Variants in NTN1 observed in about 807,000 individuals in gnomAD.
The protein encoded by NTN1 is netrin-1.
A neutral mutation model predicts 54.2 loss-of-function variants in NTN1; 11 were observed. That is an observed-to-expected ratio of 0.20 (90% CI 0.13 to 0.34). NTN1 has a LOEUF of 0.34. NTN1 is among the 10% of genes least tolerant of loss of function. The pLI, the probability that NTN1 is intolerant of heterozygous loss-of-function variation, is 1.00. For missense variants in NTN1, 740 were observed against 893.1 expected, an observed-to-expected ratio of 0.83 and a Z score of 2.18; for synonymous variants, 371 against 382.0, an observed-to-expected ratio of 0.97 and a Z score of 0.33.
chr17:9,228,516 C>T (rs568652129), intron 6 of NTN1, among the ~76,000 whole-genome samples: 7 of 152,282 alleles, frequency 4.6e-5, no homozygotes, highest in Admixed American at 2.6e-4. Context: ...CTGGGTGCTG[C>T]CGCTGGCTTC....
chr17:9,115,769 C>A (rs1029080326), intron 2 of NTN1, among the ~76,000 whole-genome samples: 1 of 152,210 alleles, frequency 6.6e-6, no homozygotes, highest in Admixed American at 6.5e-5. Flanking sequence ...TCTCTGGAGG[C>A]GCCGGGGCAG....
intron 2 of NTN1, among the ~76,000 whole-genome samples, chr17:9,129,866 G>A (rs1419348279): frequency 2.6e-5 from 4 of 152,150 alleles, no homozygotes; most frequent in African/African-American, 4.8e-5. Context: ...TGTGCAACTC[G>A]GGATTGATGA....
At chr17:9,026,301 G>A (rs575378971) in intron 2 of NTN1, among the ~76,000 whole-genome samples, 4 of 151,464 alleles carry the variant, frequency 2.6e-5, no homozygotes, top group East Asian at 3.9e-4. Context: ...TTTTCTTTTC[G>A]GTGTTGTTTC....
intron 2 of NTN1, among the ~76,000 whole-genome samples, chr17:9,076,369 T>G (rs1471105672): frequency 6.6e-6 from 1 of 152,138 alleles, no homozygotes; most frequent in Non-Finnish European, 1.5e-5. Context: ...TTTATTTTAT[T>G]TCTATTTTTA....
Position 9,022,648 on chromosome 17 carries a change from A to T in NTN1, c.275A>T (p.His92Leu). The change falls in exon 2 of 7, where the codon CAC becomes CTC. Residue 92 changes from histidine to leucine, a missense_variant. By Grantham distance (99) the His-to-Leu change is moderately conservative (BLOSUM62 -3). Coordinates refer to ENST00000173229, the MANE Select transcript of NTN1 (RefSeq NM_004822.3). The stretch of plus-strand genomic sequence containing the variant: ...GGCGAGGAGCGGCTGCGCTCGTGCC[A>T]CCTCTGCAACGCGTCCGACCCCAAG... ...ERGEERLRSC[H>L]LCNASDPKKA... 6.4e-7 allele frequency: 1 copy of T among 1,563,062 alleles called. No homozygotes were observed. Among genetic ancestry groups the T allele is most frequent in the Non-Finnish European group, 8.7e-7 (1 of 1,155,398 alleles).
At chr17:9,205,394 A>G (rs1904939779) in intron 5 of NTN1, among the ~76,000 whole-genome samples, 1 of 152,260 alleles carries the variant, frequency 6.6e-6, no homozygotes, top group East Asian at 1.9e-4. Context: ...TTGGGAGGCC[A>G]GAGCAGGAGG....
intron 2 of NTN1, among the ~76,000 whole-genome samples, chr17:9,100,709 C>G (rs938672328): frequency 5.3e-5 from 8 of 152,180 alleles, no homozygotes; most frequent in African/African-American, 1.2e-4. Context: ...TCTCCTTTGT[C>G]TACCTTTTAA....
intron 2 of NTN1, among the ~76,000 whole-genome samples, chr17:9,102,729 C>A (rs1429908567): frequency 2.6e-5 from 4 of 152,144 alleles, no homozygotes; most frequent in Admixed American, 6.5e-5. Flanking sequence ...CCATGAATGC[C>A]CATCAACAAT....
intron 2 of NTN1, among the ~76,000 whole-genome samples, chr17:9,055,807 A>G (rs1481990649): frequency 6.6e-6 from 1 of 152,152 alleles, no homozygotes; most frequent in East Asian, 1.9e-4. Context: ...CTGCAGCCTC[A>G]ACCTCCCAGG....
chr17:9,223,882 G>A (rs936985970), intron 6 of NTN1, among the ~76,000 whole-genome samples: 1 of 152,160 alleles, frequency 6.6e-6, no homozygotes, highest in Non-Finnish European at 1.5e-5. Flanking sequence ...GGGTAACCTC[G>A]GCAAGGAGGT....
At chr17:9,121,449 G>A (rs918342010) in intron 2 of NTN1, among the ~76,000 whole-genome samples, 10 of 151,974 alleles carry the variant, frequency 6.6e-5, no homozygotes, top group East Asian at 1.9e-4. Context: ...GTGCTTCCCC[G>A]GTGATTTTTC....
chr17:9,147,468 C>T (rs1348816525), intron 2 of NTN1, among the ~76,000 whole-genome samples: 3 of 152,230 alleles, frequency 2.0e-5, no homozygotes, highest in South Asian at 2.1e-4. Flanking sequence ...GAGCTGAGAT[C>T]GAGCCACTGC....
In NTN1 at chr17:9,229,780, G is replaced by A. The variant is rs1335998401; in HGVS notation, c.1486+8538G>A. Among the ~76,000 whole-genome samples the A allele has an allele frequency of 4.6e-5, 7 of 152,300 alleles. No homozygotes were observed. In the East Asian group the frequency reaches 5.8e-4, roughly 13 times the overall value. On this transcript the variant is annotated intron_variant, in intron 6 of 6. Transcript: ENST00000173229. ...TGGTGATGGGCATGGCTGTGTGTTC[G>A]AGGAAGCTTCCAGGAAGACCCCTGA...
At chr17:9,019,610 C>T (rs1037940491), upstream of NTN1, among the ~76,000 whole-genome samples, 5 of 152,238 alleles carry the variant, frequency 3.3e-5, no homozygotes, top group African/African-American at 1.2e-4. Context: ...ACGTGATGCT[C>T]ACAACCCAGT....
In NTN1 at chr17:9,024,268, C is replaced by T. The variant is rs1248280434; in HGVS notation, c.1018+877C>T. 6.6e-5 allele frequency among the ~76,000 whole-genome samples: 10 copies of T among 152,292 alleles called. No individual in the cohort carries two copies. In the South Asian group the frequency reaches 1.0e-3, roughly 16 times the overall value. ...GCTTCTGAATTGGACGACTTTGCTGCTGCAGAAGCTCTCAGAAATCAGTTT... is the reference window on the plus strand; with the variant it reads ...GCTTCTGAATTGGACGACTTTGCTGTTGCAGAAGCTCTCAGAAATCAGTTT... On this transcript the variant is annotated intron_variant, in intron 2 of 6. Coordinates refer to ENST00000173229, the MANE Select transcript of NTN1 (RefSeq NM_004822.3).
At chr17:9,198,470 G>A (rs949332643) in intron 5 of NTN1, among the ~76,000 whole-genome samples, 1 of 152,200 alleles carries the variant, frequency 6.6e-6, no homozygotes, top group African/African-American at 2.4e-5. Context: ...CAGTCAAGGG[G>A]CTCTGGGCGG....
chr17:9,032,780 G>A (rs1188946294), intron 2 of NTN1, among the ~76,000 whole-genome samples: 2 of 151,990 alleles, frequency 1.3e-5, no homozygotes, highest in African/African-American at 4.8e-5. Flanking sequence ...TCCTCTCCCC[G>A]AAGCCAGACC....
chr17:9,053,616 C>A lies in NTN1; in HGVS notation c.1018+30225C>A, dbSNP rs139498862. 5.1e-4 allele frequency among the ~76,000 whole-genome samples: 77 copies of A among 152,358 alleles called. No homozygotes were observed. The East Asian group carries it at 0.014, about 28-fold the overall frequency. Reference sequence around the variant, plus strand: ...GACAAGGATTCCGACTGTTATCTTTCTGTCCTCAGGGTCTAGCAGGATGCT... The same window carrying A: ...GACAAGGATTCCGACTGTTATCTTTATGTCCTCAGGGTCTAGCAGGATGCT... On this transcript the variant is annotated intron_variant, in intron 2 of 6. Transcript: ENST00000173229.
intron 2 of NTN1, among the ~76,000 whole-genome samples, chr17:9,110,566 C>T (rs2092187025): frequency 6.6e-6 from 1 of 151,992 alleles, no homozygotes; most frequent in African/African-American, 2.4e-5. Flanking sequence ...AGCCACCGCA[C>T]CCAGCCCCTC....
Sources: allele counts gnomAD v4.1 joint callset (sites outside exome capture counted in the v4.1 genomes callset), GRCh38; gene constraint gnomAD v4.1.1; transcripts MANE v1.5; gene names NCBI Gene and HGNC (gene_info 2026-07-23, HGNC 2026-07-21).